Variants in SYNE1 observed in about 807,000 individuals in gnomAD.
SYNE1 encodes the protein spectrin repeat containing nuclear envelope protein 1, also known as nesprin-1.
SYNE1 carries 616 observed loss-of-function variants against 1,111.0 expected under a neutral mutation model. That is an observed-to-expected ratio of 0.55 (90% confidence interval 0.52 to 0.59). The LOEUF (loss-of-function observed/expected upper bound fraction) is 0.59. Among genes scored for constraint, SYNE1 ranks in the 20% least tolerant of loss-of-function variants. SYNE1 has a pLI of 0.00. For missense variants in SYNE1, 10,006 were observed against 10,417.0 expected (o/e 0.96, Z 1.72); for synonymous variants, 3,855 against 3,825.8 (o/e 1.01, Z -0.28).
chr6:152,367,512 C>G, intron 61 of SYNE1, 130 bp from the exon 62 acceptor site: 1 of 1,031,574 alleles, frequency 9.7e-7, no homozygotes. Flanking sequence ...CAAGTCTGGC[C>G]TAAATCTATG....
chr6:152,513,871 GA>G (rs1418501532), intron 6 of SYNE1, among the ~76,000 whole-genome samples: 1 of 151,990 alleles, frequency 6.6e-6, no homozygotes, highest in African/African-American at 2.4e-5. Flanking sequence ...CAACAAACAT[GA>G]AAAAAAGCTC....
At chr6:152,266,252 C>T (rs1280266891) in intron 100 of SYNE1, among the ~76,000 whole-genome samples, 1 of 151,758 alleles carries the variant, frequency 6.6e-6, no homozygotes, top group Non-Finnish European at 1.5e-5. Flanking sequence ...AAGCTAAAGG[C>T]CAAGGAAAGA....
At position 152,310,447 on chromosome 6, in the gene SYNE1, A is replaced by G; in HGVS notation, c.16968T>C (p.Thr5656=). ...GACTGAGACGTCCAACTTCTGGAGA[A>G]GTCAGTGTTGCCTGGGCTTGCTCCA... ...AALEQAQATL[T]SPEVGRLSLK... Residue 5656 remains threonine (T), a synonymous_variant, in exon 89 of 146, where the codon ACT becomes ACC. Coordinates refer to ENST00000367255, the MANE Select transcript of SYNE1 (RefSeq NM_182961.4). 1.2e-6 allele frequency: 2 copies of G among 1,614,186 alleles called. No homozygotes were observed. The highest frequency in any genetic ancestry group is 2.7e-5 in the African/African-American group (2 of 75,062).
intron 34 of SYNE1, 72 bp from the exon 35 acceptor site, chr6:152,430,781 T>C: frequency 7.4e-7 from 1 of 1,350,830 alleles, no homozygotes; most frequent in Non-Finnish European, 1.1e-6. Flanking sequence ...TACAATTATC[T>C]GCAAAGAGGG....
chr6:152,523,217 AGTTGAT>A (rs1465551827), intron 5 of SYNE1, among the ~76,000 whole-genome samples: 1 of 151,894 alleles, frequency 6.6e-6, no homozygotes, highest in East Asian at 1.9e-4. Flanking sequence ...AGCCATCCTG[AGTTGAT>A]TTTTGTATAA....
At chr6:152,585,279 C>T (rs2099534154) in intron 3 of SYNE1, among the ~76,000 whole-genome samples, 1 of 152,166 alleles carries the variant, frequency 6.6e-6, no homozygotes, top group African/African-American at 2.4e-5. Flanking sequence ...TATAAATTAC[C>T]CAGTCTCAGG....
rs1333317098 is a variant in SYNE1 at position 152,399,558 on chromosome 6, T to C, written c.7237+58A>G. 5 of 1,596,890 alleles carry C rather than the reference T, an allele frequency of 3.1e-6. No individual in the cohort carries two copies. The East Asian group carries it at 8.9e-5, about 29-fold the overall frequency. On this transcript the variant is annotated intron_variant, in intron 48 of 145. Transcript: ENST00000367255. ...TTTGCTGGCAGTTTCTAGGCAGCAT[T>C]TGGTTTGGATTCTTTCTCGGAAACA... is the stretch of plus-strand genomic sequence containing the variant.
intron 14 of SYNE1, among the ~76,000 whole-genome samples, chr6:152,473,989 G>A (rs1429410813): frequency 6.6e-6 from 1 of 152,100 alleles, no homozygotes; most frequent in African/African-American, 2.4e-5. Flanking sequence ...TTCGAGATCA[G>A]CCTGGCCAAC....
intron 100 of SYNE1, among the ~76,000 whole-genome samples, chr6:152,263,927 C>T (rs12193119): frequency 0.06 from 9,155 of 151,648 alleles, 311 homozygotes; most frequent in Middle Eastern, 0.099. Context: ...TTAATAATGA[C>T]GAAAATGGGC....
intron 130 of SYNE1, among the ~76,000 whole-genome samples, chr6:152,172,601 C>G (rs966589039): frequency 6.6e-6 from 1 of 152,180 alleles, no homozygotes; most frequent in African/African-American, 2.4e-5. Context: ...AGAATTAATA[C>G]TAAAAAGACA....
In SYNE1 at chr6:152,450,793, T is replaced by C. The variant is rs1289419900; in HGVS notation, c.3227A>G (p.Lys1076Arg). 1 of 1,614,136 alleles carries C rather than the reference T, an allele frequency of 6.2e-7. No individual in the cohort carries two copies. Among genetic ancestry groups the C allele is most frequent in the Admixed American group, 1.7e-5 (1 of 60,010 alleles). Residue 1076 changes from lysine to arginine, a missense_variant, in exon 27 of 146, where the codon AAA becomes AGA. This residue lies in a region of SYNE1 where 1,971 missense variants were observed against 2,084.1 expected (regional missense o/e 0.95). Transcript: ENST00000367255. Reference sequence around the variant, plus strand: ...GAGTTCCTCGATGAGCTGTAACCTTTTCTCACAGAGATGATGAGGACCTTT... The same window carrying C: ...GAGTTCCTCGATGAGCTGTAACCTTCTCTCACAGAGATGATGAGGACCTTT... ...SDKGPHHLCE[K>R]RLQLIEELCV...
At chr6:152,342,468 A>G (rs1002648412) in intron 74 of SYNE1, among the ~76,000 whole-genome samples, 2 of 152,216 alleles carry the variant, frequency 1.3e-5, no homozygotes, top group East Asian at 1.9e-4. Context: ...TCCTGATTCT[A>G]TTCTTATAAA....
chr6:152,232,777 C>A (rs775277409), intron 112 of SYNE1, among the ~76,000 whole-genome samples: 8 of 152,194 alleles, frequency 5.3e-5, no homozygotes, highest in Non-Finnish European at 8.8e-5. Flanking sequence ...ACACTACTTA[C>A]AATTCGAAAT....
chr6:152,312,082 C>T (rs1007837624), intron 87 of SYNE1, among the ~76,000 whole-genome samples: 1 of 152,084 alleles, frequency 6.6e-6, no homozygotes, highest in Non-Finnish European at 1.5e-5. Flanking sequence ...CTGCGCACAG[C>T]CGGCGATAGA....
intron 29 of SYNE1, among the ~76,000 whole-genome samples, chr6:152,446,632 C>G (rs1362967303): frequency 6.6e-6 from 1 of 152,108 alleles, no homozygotes; most frequent in Non-Finnish European, 1.5e-5. Context: ...TTTTTCCATG[C>G]AAGTTTCTAC....
Position 152,138,426 on chromosome 6 carries a change from G to A in SYNE1, c.25458+1524C>T, listed in dbSNP as rs145210601. On this transcript the variant is annotated intron_variant, in intron 140 of 145. Coordinates refer to ENST00000367255, the MANE Select transcript of SYNE1 (RefSeq NM_182961.4). ...CTCAGGAGGCCGAGGCAGGAGAAACGCTTGAACACAGGAGACGGAGGTTAC... is the reference window on the plus strand; with the variant it reads ...CTCAGGAGGCCGAGGCAGGAGAAACACTTGAACACAGGAGACGGAGGTTAC... Among the ~76,000 whole-genome samples the A allele has an allele frequency of 8.0e-3, 1,222 of 151,944 alleles. 12 individuals carry two copies. The highest frequency in any genetic ancestry group is 0.012 in the Non-Finnish European group (812 of 67,968).
intron 116 of SYNE1, among the ~76,000 whole-genome samples, chr6:152,225,190 A>T (rs55885054): frequency 1.9e-4 from 28 of 151,138 alleles, no homozygotes; most frequent in Admixed American, 1.6e-3. Context: ...GAATGTGAGA[A>T]ATTTCAATTT....
intron 56 of SYNE1, 43 bp from the exon 57 acceptor site, chr6:152,376,955 G>T: frequency 6.2e-7 from 1 of 1,609,430 alleles, no homozygotes; most frequent in East Asian, 2.2e-5. Context: ...ACTTACATTG[G>T]GTGATCTCCA....
At chr6:152,328,556 C>T (rs1428347064) in intron 78 of SYNE1, among the ~76,000 whole-genome samples, 1 of 150,566 alleles carries the variant, frequency 6.6e-6, no homozygotes, top group Non-Finnish European at 1.5e-5. Flanking sequence ...CAGGTATGCA[C>T]CACCAAACCC....
Sources: allele counts gnomAD v4.1 joint callset (sites outside exome capture counted in the v4.1 genomes callset), GRCh38; gene constraint gnomAD v4.1.1; regional missense constraint gnomAD v4.1.1; transcripts MANE v1.5; gene names NCBI Gene and HGNC (gene_info 2026-07-23, HGNC 2026-07-21).